Variants in MON2 observed in about 807,000 individuals in gnomAD.
MON2 encodes the protein MON2 regulator of endosome-to-Golgi trafficking, also known as protein MON2 homolog.
A neutral mutation model predicts 208.6 loss-of-function variants in MON2; 84 were observed. The observed-to-expected ratio is 0.40, with a 90% CI of 0.34 to 0.48. MON2 has a LOEUF of 0.48. Ranked by LOEUF, MON2 falls within the 20% of genes least tolerant of loss-of-function variation. MON2 has a pLI of 0.59. For synonymous variants in MON2, 660 were observed against 694.0 expected (o/e 0.95, Z 0.77); for missense variants, 1,611 against 2,015.4 (o/e 0.80, Z 3.84).
chr12:62,471,571 G>A (rs180948808), intron 1 of MON2, among the ~76,000 whole-genome samples: 2 of 152,250 alleles, frequency 1.3e-5, no homozygotes, highest in Admixed American at 1.3e-4. Context: ...CACTTAAGAG[G>A]GAAGTCTGGA....
At chr12:62,508,236 A>C (rs2071204038) in intron 7 of MON2, 50 bp from the exon 8 acceptor site, 3 of 1,434,886 alleles carry the variant, frequency 2.1e-6, no homozygotes, top group Non-Finnish European at 2.9e-6. Flanking sequence ...GGAAGTATTA[A>C]GTACAAATAA....
chr12:62,502,255 G>A (rs1031911094), intron 7 of MON2, among the ~76,000 whole-genome samples: 1 of 151,896 alleles, frequency 6.6e-6, no homozygotes, highest in Admixed American at 6.6e-5. Context: ...TTTTAAAAAA[G>A]CTAGGCATGG....
intron 7 of MON2, among the ~76,000 whole-genome samples, chr12:62,503,066 A>G (rs2070925467): frequency 1.3e-5 from 2 of 152,202 alleles, no homozygotes; most frequent in African/African-American, 2.4e-5. Context: ...GCACTCTTGT[A>G]TAAATAATAG....
In MON2 at chr12:62,565,946, A is replaced by G. The variant is rs192638712; in HGVS notation, c.4177-68A>G. 105 of 1,381,408 alleles carry G rather than the reference A, an allele frequency of 7.6e-5. No homozygotes were observed. In the East Asian group the frequency reaches 2.0e-3, roughly 26 times the overall value. The allele number at this position is 1,381,408 out of a possible 1,614,324, so 85.6% of individuals were successfully genotyped here. A position where few individuals can be genotyped will look rare whatever the true frequency, so the allele number is the denominator to read the frequency against. ...AAAAATTATAATTTTATATCGTCCG[A>G]AAGTAGTTTAAATATGTATTAACTT... is the stretch of plus-strand genomic sequence containing the variant. On this transcript the variant is annotated intron_variant, in intron 27 of 34. Transcript: ENST00000393630.
At chr12:62,572,282 T>C (rs2074620710) in intron 30 of MON2, among the ~76,000 whole-genome samples, 1 of 152,194 alleles carries the variant, frequency 6.6e-6, no homozygotes, top group Non-Finnish European at 1.5e-5. Flanking sequence ...GCTGCCACAC[T>C]GGGTAGAGCA....
chr12:62,574,704 A>G (rs1267593962), intron 30 of MON2, among the ~76,000 whole-genome samples: 2 of 151,956 alleles, frequency 1.3e-5, no homozygotes, highest in African/African-American at 4.8e-5. Flanking sequence ...TAAGCTTTCT[A>G]CTCCATGGAG....
chr12:62,521,242 C>G (rs2072025178), intron 8 of MON2, among the ~76,000 whole-genome samples: 1 of 152,102 alleles, frequency 6.6e-6, no homozygotes, highest in African/African-American at 2.4e-5. Context: ...TTCCTGACCT[C>G]AAGTGATCCA....
chr12:62,512,700 C>G (rs2071473575), intron 8 of MON2, among the ~76,000 whole-genome samples: 1 of 152,188 alleles, frequency 6.6e-6, no homozygotes. Flanking sequence ...CTCACAGCTC[C>G]ACTAGGCGGT....
intron 8 of MON2, among the ~76,000 whole-genome samples, chr12:62,515,914 G>A (rs549411754): frequency 1.3e-5 from 2 of 151,994 alleles, no homozygotes; most frequent in South Asian, 4.2e-4. Flanking sequence ...GTTTTATATT[G>A]TATGGTTTTA....
intron 29 of MON2, among the ~76,000 whole-genome samples, chr12:62,571,021 C>G (rs993354553): frequency 2.0e-5 from 3 of 152,036 alleles, no homozygotes; most frequent in Admixed American, 1.3e-4. Context: ...TGAGCCACCA[C>G]GCTTGGCCAG....
In MON2 at chr12:62,538,248, T is replaced by G; in HGVS notation, c.2200-4T>G. 1 of 1,612,714 alleles carries G rather than the reference T, an allele frequency of 6.2e-7. No individual in the cohort carries two copies. The highest frequency in any genetic ancestry group is 8.5e-7 in the Non-Finnish European group (1 of 1,178,774). On this transcript the variant is annotated splice_region_variant and splice_polypyrimidine_tract_variant and intron_variant, in intron 17 of 34. Coordinates refer to ENST00000393630, the MANE Select transcript of MON2 (RefSeq NM_015026.3). ...TATATTACATTTAATTTTATTCTTC[T>G]CAGGTTCTAACAACAGCAGTGATGA...
At chr12:62,503,540 A>C (rs1345459177) in intron 7 of MON2, among the ~76,000 whole-genome samples, 1 of 152,204 alleles carries the variant, frequency 6.6e-6, no homozygotes, top group Non-Finnish European at 1.5e-5. Flanking sequence ...AAAAAGTCGA[A>C]TCTTTTTAGT....
At chr12:62,483,403 T>C (rs1458213293) in intron 1 of MON2, among the ~76,000 whole-genome samples, 1 of 152,192 alleles carries the variant, frequency 6.6e-6, no homozygotes, top group African/African-American at 2.4e-5. Flanking sequence ...AAAGTAGCTT[T>C]TAAAATCCAA....
intron 33 of MON2, among the ~76,000 whole-genome samples, chr12:62,586,645 T>G (rs1317743038): frequency 6.6e-6 from 1 of 152,196 alleles, no homozygotes; most frequent in Non-Finnish European, 1.5e-5. Flanking sequence ...CTCCTTATAC[T>G]CAAATTTATA....
intron 15 of MON2, 74 bp from the exon 16 acceptor site, chr12:62,537,528 A>G (rs900983147): frequency 1.1e-5 from 13 of 1,144,162 alleles, no homozygotes; most frequent in African/African-American, 6.4e-5. Context: ...TTAACACATT[A>G]ATGCTACTTT....
intron 2 of MON2, among the ~76,000 whole-genome samples, chr12:62,488,201 C>T (rs955821485): frequency 5.9e-5 from 9 of 152,052 alleles, no homozygotes; most frequent in Non-Finnish European, 1.0e-4. Context: ...AGGAGACTGA[C>T]CCTCAGCATA....
At chr12:62,527,176 C>G (rs1271841212) in intron 11 of MON2, among the ~76,000 whole-genome samples, 1 of 151,870 alleles carries the variant, frequency 6.6e-6, no homozygotes, top group Non-Finnish European at 1.5e-5. Flanking sequence ...TAATATGAAA[C>G]AGACTCAGGA....
rs987374225 is a variant in MON2, at chr12:62,585,237, T to C, written c.4700-57T>C. 2.5e-5 allele frequency: 33 copies of C among 1,346,280 alleles called. 1 individual carries two copies. In the South Asian group the frequency reaches 3.6e-4, roughly 14 times the overall value. 83.4% of individuals were successfully genotyped at this position (1,346,280 alleles called of 1,614,324 possible). ...ATTCCTAGTTTGCTAAGCATTGTTA[T>C]CATTAAAGCTCATTGATTTAACTTC... On this transcript the variant is annotated intron_variant, in intron 32 of 34. Coordinates refer to ENST00000393630, the MANE Select transcript of MON2 (RefSeq NM_015026.3).
intron 19 of MON2, 31 bp from the exon 20 acceptor site, chr12:62,543,060 CCTTATA>C (rs766577075): frequency 4.3e-6 from 5 of 1,149,600 alleles, no homozygotes; most frequent in Non-Finnish European, 2.5e-6. Context: ...TCAGAATTCT[CCTTATA>C]CTATCAAAAT....
Sources: gnomAD v4.1 joint callset for allele counts (sites outside exome capture counted in the v4.1 genomes callset) on GRCh38, gnomAD v4.1.1 for gene constraint, MANE v1.5 for transcripts, NCBI Gene and HGNC (gene_info 2026-07-23, HGNC 2026-07-21) for gene names.